SLC7A7: variants seen among roughly 807,000 people sequenced by gnomAD.
The protein encoded by SLC7A7 is Y+L amino acid transporter 1.
SLC7A7 carries 39 observed loss-of-function variants against 47.9 expected under a neutral mutation model. The ratio of observed to expected loss-of-function variants is 0.81; its 90% CI spans 0.63 to 1.06. The LOEUF is 1.06. Ranked by LOEUF, SLC7A7 falls within the 50% of genes least tolerant of loss-of-function variation. The probability of loss-of-function intolerance (pLI) is 0.00; values close to 1 mark genes in which losing one functional copy is unlikely to be tolerated. For synonymous variants in SLC7A7, 234 were observed against 242.8 expected (o/e 0.96, Z 0.34); for missense variants, 588 against 632.0 (o/e 0.93, Z 0.75).
chr14:22,792,579 C>T lies in SLC7A7; in HGVS notation c.500-12528G>A, dbSNP rs143705830. Among the ~76,000 whole-genome samples, 370 of 152,032 alleles carry T rather than the reference C, an allele frequency of 2.4e-3. 2 individuals are homozygous for T. The highest frequency in any genetic ancestry group is 6.6e-3 in the African/African-American group (275 of 41,506). On this transcript the variant is annotated intron_variant, in intron 2 of 9. Coordinates refer to ENST00000674313, the MANE Select transcript of SLC7A7 (RefSeq NM_003982.4). ...AAATAAAATAACATTTTTGACCAGG[C>T]GTGGTGGTGGCTCACACCTGTAATC...
At position 22,779,933 on chromosome 14, in the gene SLC7A7, A is replaced by C. The variant is rs2038686425; in HGVS notation, c.618T>G (p.Leu206=). The change falls in exon 3 of 10, where the codon CTT becomes CTG. Residue 206 remains leucine (L), a synonymous_variant. Transcript: ENST00000674313. ...IAVIVAGIVR[L]GQGASTHFEN... ...ACTAATATTATTTCTTACCCTGGCC[A>C]AGTCTAACAATGCCTGCAACGATGA... 1 of 1,614,058 alleles carries C rather than the reference A, an allele frequency of 6.2e-7. No homozygotes were observed. Among genetic ancestry groups the C allele is most frequent in the Admixed American group, 1.7e-5 (1 of 60,008 alleles).
chr14:22,819,426 A>AG (rs2039447288), upstream of SLC7A7, among the ~76,000 whole-genome samples: 1 of 145,662 alleles, frequency 6.9e-6, no homozygotes, highest in African/African-American at 2.6e-5. Context: ...AAAAAAAAAA[A>AG]GTGAAACAAA....
At chr14:22,784,068 G>T (rs1311317340) in intron 2 of SLC7A7, among the ~76,000 whole-genome samples, 2 of 152,228 alleles carry the variant, frequency 1.3e-5, no homozygotes, top group African/African-American at 4.8e-5. Flanking sequence ...TAAGTGCACT[G>T]CTCTTGAAGT....
chr14:22,773,507 TG>T lies in SLC7A7; in HGVS notation c.*102del. 1 of 964,618 alleles carries T rather than the reference TG, an allele frequency of 1.0e-6. No individual in the cohort carries two copies. The highest frequency in any genetic ancestry group is 1.7e-6 in the Non-Finnish European group (1 of 599,814). 59.8% of individuals were successfully genotyped at this position (964,618 alleles called of 1,614,324 possible). ...GTTGAAGCTGCCTAGGCCAGGCTTC[TG>T]GACAGGTGCCTCCAAAGAAGTGAGC... On this transcript the variant is annotated 3_prime_UTR_variant, in exon 10 of 10. Coordinates refer to ENST00000674313, the MANE Select transcript of SLC7A7 (RefSeq NM_003982.4).
At chr14:22,783,526 G>A (rs571949499) in intron 2 of SLC7A7, among the ~76,000 whole-genome samples, 1 of 151,546 alleles carries the variant, frequency 6.6e-6, no homozygotes, top group Non-Finnish European at 1.5e-5. Flanking sequence ...TCAGCCTCCC[G>A]AGTAGCTAGA....
chr14:22,806,895 C>CTAT (rs762089242), intron 2 of SLC7A7, among the ~76,000 whole-genome samples: 1 of 123,628 alleles, frequency 8.1e-6, no homozygotes, highest in Non-Finnish European at 1.6e-5. Flanking sequence ...CCACTGTTAA[C>CTAT]TTTTTTTTTT....
intron 7 of SLC7A7, 148 bp from the exon 8 acceptor site, chr14:22,774,651 T>G (rs1566439532): frequency 2.0e-6 from 2 of 982,072 alleles, no homozygotes; most frequent in East Asian, 2.4e-5. Context: ...ACACCCTAGT[T>G]TCAGTACCTT....
chr14:22,812,773 C>CTATATA lies in SLC7A7; in HGVS notation c.499+121_499+126dup, dbSNP rs58930730. On this transcript the variant is annotated intron_variant, in intron 2 of 9. Coordinates refer to ENST00000674313, the MANE Select transcript of SLC7A7 (RefSeq NM_003982.4). The stretch of plus-strand genomic sequence containing the variant: ...AATTTTCACACAAAGCATACTTTAA[C>CTATATA]TATATATATATATATATATGTTGTC... The CTATATA allele has an allele frequency of 1.2e-3, 514 of 439,274 alleles. 13 individuals are homozygous for CTATATA. The highest frequency in any genetic ancestry group is 4.4e-3 in the Admixed American group (93 of 20,934). The allele number at this position is 439,274 out of a possible 1,614,324, so 27.2% of individuals were successfully genotyped here. A position where few individuals can be genotyped will look rare whatever the true frequency, so the allele number is the denominator to read the frequency against.
chr14:22,810,462 CA>C lies in SLC7A7; in HGVS notation c.499+2437del, dbSNP rs59569324. Among the ~76,000 whole-genome samples, 214 of 95,660 alleles carry C rather than the reference CA, an allele frequency of 2.2e-3. 3 individuals carry two copies. The highest frequency in any genetic ancestry group is 4.4e-3 in the African/African-American group (106 of 24,118). 62.8% of individuals were successfully genotyped at this position (95,660 alleles called of 152,430 possible). A position where few individuals can be genotyped will look rare whatever the true frequency, so the allele number is the denominator to read the frequency against. On this transcript the variant is annotated intron_variant, in intron 2 of 9. Transcript: ENST00000674313. ...GGGCAACAAGAGCGAAACTCCATCT[CA>C]AAAAAAAAAAAAAAAATAGATTTCT...
At chr14:22,790,299 C>T (rs1017993487) in intron 2 of SLC7A7, among the ~76,000 whole-genome samples, 2 of 132,856 alleles carry the variant, frequency 1.5e-5, no homozygotes, top group African/African-American at 5.7e-5. Context: ...CACTGCATTC[C>T]AGCCTGGGTG....
At chr14:22,795,374 ATTGCTTGC>A (rs200893526) in intron 2 of SLC7A7, among the ~76,000 whole-genome samples, 1,078 of 11,156 alleles carry the variant, frequency 0.097, 35 homozygotes, top group African/African-American at 0.17. Flanking sequence ...CAATCTGAGT[ATTGCTTGC>A]TTGCTTTCTT....
In SLC7A7 at chr14:22,778,709, T is replaced by C. The variant is rs948726140; in HGVS notation, c.770+84A>G. The C allele has an allele frequency of 4.8e-6, 7 of 1,447,146 alleles. No individual in the cohort carries two copies. In the African/African-American group the frequency reaches 9.8e-5, roughly 20 times the overall value. 89.6% of individuals were successfully genotyped at this position (1,447,146 alleles called of 1,614,324 possible). On this transcript the variant is annotated intron_variant, in intron 4 of 9. Transcript: ENST00000674313. Reference sequence around the variant, plus strand: ...GCTGGTAAAATTAACCTCATAGTGGTTGTGGTATGCTGTCTGGCACGTAGT... The same window carrying C: ...GCTGGTAAAATTAACCTCATAGTGGCTGTGGTATGCTGTCTGGCACGTAGT...
intron 2 of SLC7A7, among the ~76,000 whole-genome samples, chr14:22,811,365 A>T (rs2039302899): frequency 6.6e-6 from 1 of 152,200 alleles, no homozygotes; most frequent in African/African-American, 2.4e-5. Context: ...GGTGGAAGGC[A>T]TCTCTAAGGT....
At chr14:22,788,645 A>C (rs1476291363) in intron 2 of SLC7A7, among the ~76,000 whole-genome samples, 1 of 151,166 alleles carries the variant, frequency 6.6e-6, no homozygotes, top group Admixed American at 6.6e-5. Context: ...TGGAGGTTGC[A>C]GTGAGCCAAG....
chr14:22,813,160 C>T lies in SLC7A7; in HGVS notation c.239G>A (p.Gly80Asp), dbSNP rs1228184852. ...AAGGGCCCCAAAGACGGAGAAGAGG[C>T]CCCCGACAGCCCAGATGACCAGAGA... ...GLSLVIWAVG[G>D]LFSVFGALCY... Residue 80 changes from glycine to aspartate, a missense_variant, in exon 2 of 10, where the codon GGC (glycine) becomes GAC (aspartate). Physicochemically the swap from Gly to Asp is moderately conservative, Grantham distance 94 (BLOSUM62 -1). Transcript: ENST00000674313. 1.2e-6 allele frequency: 2 copies of T among 1,614,144 alleles called. No individual in the cohort carries two copies. Among genetic ancestry groups the T allele is most frequent in the Non-Finnish European group, 1.7e-6 (2 of 1,180,008 alleles).
rs749048664 is a variant in SLC7A7, at chr14:22,773,612, A to G, written c.1534T>C (p.Ter512GlnextTer39). 8.7e-6 allele frequency: 14 copies of G among 1,612,028 alleles called. No homozygotes were observed. The highest frequency in any genetic ancestry group is 1.1e-5 in the Non-Finnish European group (13 of 1,178,144). Residue 512 changes from the stop codon to glutamine (Q), a stop_lost, in exon 10 of 10, where the codon TAA becomes CAA. Transcript: ENST00000674313. ...CACATCAGGATTCCAGATGGTGTTT[A>G]GTTAGATTTGGGATCCCGTTGCTTG... ...MPKQRDPKSN* is the reference protein window; with the variant it reads ...MPKQRDPKSNQ
intron 2 of SLC7A7, among the ~76,000 whole-genome samples, chr14:22,811,037 C>A (rs2039298019): frequency 6.6e-6 from 1 of 152,106 alleles, no homozygotes; most frequent in South Asian, 2.1e-4. Context: ...TGCCTTCCAC[C>A]CCTCCCTGAC....
In SLC7A7 at chr14:22,775,848, A is replaced by G. The variant is rs1210588893; in HGVS notation, c.983T>C (p.Ile328Thr). ...CCACTCTTACCTAGAAGCAGCCACA[A>G]TGGAGGCATTGAGGCCACCAAAACA... The part of the protein sequence containing the change: ...LSCFGGLNAS[I>T]VAASRLFFVG... The change falls in exon 6 of 10, where the codon ATT (isoleucine) becomes ACT (threonine). Residue 328 changes from isoleucine to threonine, a missense_variant. Coordinates refer to ENST00000674313, the MANE Select transcript of SLC7A7 (RefSeq NM_003982.4). The G allele has an allele frequency of 3.7e-6, 6 of 1,613,906 alleles. No individual in the cohort carries two copies. The Admixed American group carries it at 5.0e-5, about 13-fold the overall frequency.
At chr14:22,781,393 C>T (rs1363996491) in intron 2 of SLC7A7, among the ~76,000 whole-genome samples, 1 of 152,134 alleles carries the variant, frequency 6.6e-6, no homozygotes, top group African/African-American at 2.4e-5. Context: ...CTCTCTCACC[C>T]TCCCTTCCAC....
Sources: gnomAD v4.1 joint callset for allele counts (sites outside exome capture counted in the v4.1 genomes callset) on GRCh38, gnomAD v4.1.1 for gene constraint, MANE v1.5 for transcripts, NCBI Gene and HGNC (gene_info 2026-07-23, HGNC 2026-07-21) for gene names.